TRIM44: variants seen among roughly 807,000 people sequenced by gnomAD.
The protein encoded by TRIM44 is tripartite motif containing 44.
Under a neutral mutation model 37.4 loss-of-function variants are expected in TRIM44, and 13 were observed. The observed-to-expected ratio is 0.35, with a 90% confidence interval of 0.23 to 0.55. The LOEUF is 0.55. Among genes scored for constraint, TRIM44 ranks in the 20% least tolerant of loss-of-function variants. The pLI is 0.89. For synonymous variants in TRIM44, 175 were observed against 157.2 expected (o/e 1.11, Z -0.85); for missense variants, 426 against 437.2 (o/e 0.97, Z 0.23).
In TRIM44 at chr11:35,813,332, C is replaced by T. The variant is rs1200152509; in HGVS notation, c.*6947C>T. ...AAAAATCTAGAACCTCTGCTGAACCCATCAAAAGTGACTGAGAATTAAGAA... is the reference window on the plus strand; with the variant it reads ...AAAAATCTAGAACCTCTGCTGAACCTATCAAAAGTGACTGAGAATTAAGAA... On this transcript the variant is annotated 3_prime_UTR_variant, in exon 5 of 5. Transcript: ENST00000299413. 6.6e-6 allele frequency: 1 copy of T among 152,144 alleles called. No homozygotes were observed. Among genetic ancestry groups the T allele is most frequent in the African/African-American group, 2.4e-5 (1 of 41,436 alleles). 9.4% of individuals were successfully genotyped at this position (152,144 alleles called of 1,614,324 possible). A position where few individuals can be genotyped will look rare whatever the true frequency, so the allele number is the denominator to read the frequency against.
At chr11:35,740,668 G>T (rs949802924) in intron 4 of TRIM44, among the ~76,000 whole-genome samples, 2 of 152,136 alleles carry the variant, frequency 1.3e-5, no homozygotes, top group African/African-American at 4.8e-5. Flanking sequence ...TTCTATTTTT[G>T]ATTCTGTCTG....
chr11:35,745,023 A>G (rs557482175), intron 4 of TRIM44, among the ~76,000 whole-genome samples: 33 of 152,184 alleles, frequency 2.2e-4, no homozygotes, highest in Non-Finnish European at 4.1e-4. Context: ...TATTGCTGCA[A>G]TGAATATATG....
chr11:35,807,317 G>C lies in TRIM44; in HGVS notation c.*932G>C, dbSNP rs1243641984. 1 of 152,076 alleles carries C rather than the reference G, an allele frequency of 6.6e-6. No homozygotes were observed. The highest frequency in any genetic ancestry group is 1.5e-5 in the Non-Finnish European group (1 of 68,010). The allele number at this position is 152,076 out of a possible 1,614,324, so 9.4% of individuals were successfully genotyped here. ...CCTAATTTGGCTTAAACGCAGTATG[G>C]GGAGAATTGTTCCCATTCCATGTGT... On this transcript the variant is annotated 3_prime_UTR_variant, in exon 5 of 5. Coordinates refer to ENST00000299413, the MANE Select transcript of TRIM44 (RefSeq NM_017583.6).
chr11:35,806,621 C>T lies in TRIM44; in HGVS notation c.*236C>T, dbSNP rs1024025738. ...CAAGGAAAAGAGCCCCTTTGATCCA[C>T]CAGGAGCAATTAAGAAAGGTCCTTC... On this transcript the variant is annotated 3_prime_UTR_variant, in exon 5 of 5. Coordinates refer to ENST00000299413, the MANE Select transcript of TRIM44 (RefSeq NM_017583.6). 3.9e-6 allele frequency: 2 copies of T among 513,416 alleles called. No homozygotes were observed. Among genetic ancestry groups the T allele is most frequent in the Non-Finnish European group, 6.9e-6 (2 of 288,298 alleles). 31.8% of individuals were successfully genotyped at this position (513,416 alleles called of 1,614,324 possible).
chr11:35,744,093 T>A lies in TRIM44; in HGVS notation c.1007+8648T>A, dbSNP rs566357486. On this transcript the variant is annotated intron_variant, in intron 4 of 4. Coordinates refer to ENST00000299413, the MANE Select transcript of TRIM44 (RefSeq NM_017583.6). ...CATGACAAAATAGGTTGGAGGTGTT[T>A]GTTCAATGGATAAATTATCTCAGAG... Among the ~76,000 whole-genome samples the A allele has an allele frequency of 2.6e-5, 4 of 152,368 alleles. No homozygotes were observed. The South Asian group carries it at 8.3e-4, about 32-fold the overall frequency.
rs146343301 is a variant in TRIM44 at position 35,663,663 on chromosome 11, T to C, written c.552T>C (p.Leu184=). 614 of 1,614,164 alleles carry C rather than the reference T, an allele frequency of 3.8e-4. 5 individuals are homozygous for C. In the African/African-American group the frequency reaches 7.4e-3, roughly 20 times the overall value. The change falls in exon 1 of 5, where the codon CTT becomes CTC. Residue 184 remains leucine (L), a synonymous_variant. Transcript: ENST00000299413. ...VAKRKCPDHG[L]DLSTYCQEDR... ...AGAGGAAGTGTCCGGACCATGGGCT[T>C]GATTTGAGTACCTATTGCCAGGAAG...
At chr11:35,796,360 T>G (rs1191098461) in intron 4 of TRIM44, among the ~76,000 whole-genome samples, 3 of 152,246 alleles carry the variant, frequency 2.0e-5, no homozygotes, top group Non-Finnish European at 4.4e-5. Flanking sequence ...TTATTGATCC[T>G]TTCTCTTTTT....
intron 2 of TRIM44, among the ~76,000 whole-genome samples, chr11:35,704,634 A>G (rs11033250): frequency 9.9e-5 from 15 of 152,234 alleles, no homozygotes; most frequent in African/African-American, 3.4e-4. Flanking sequence ...AGAATTTTCA[A>G]TCCAGAATTA....
intron 4 of TRIM44, among the ~76,000 whole-genome samples, chr11:35,762,131 T>C (rs1231689531): frequency 6.6e-6 from 1 of 152,226 alleles, no homozygotes; most frequent in African/African-American, 2.4e-5. Flanking sequence ...CCGTGCAGGC[T>C]GCTCTCTGGA....
chr11:35,737,601 C>T (rs1018734262), intron 4 of TRIM44, among the ~76,000 whole-genome samples: 5 of 151,978 alleles, frequency 3.3e-5, no homozygotes, highest in South Asian at 4.2e-4. Flanking sequence ...TTTGGGAGGC[C>T]GAGGCAGGTG....
At chr11:35,709,943 A>C (rs760870297) in intron 2 of TRIM44, among the ~76,000 whole-genome samples, 1 of 152,236 alleles carries the variant, frequency 6.6e-6, no homozygotes. Context: ...CCTTGTGGTC[A>C]GAACAAATTT....
rs150716385 is a variant in TRIM44 at position 35,694,807 on chromosome 11, A to G, written c.747+9471A>G. 3.0e-4 allele frequency among the ~76,000 whole-genome samples: 45 copies of G among 152,206 alleles called. 1 individual carries two copies. In the East Asian group the frequency reaches 7.4e-3, roughly 25 times the overall value. ...GTTCCAAAGTTTTGCTGCAATGTGGATGGCAAGGACAGTCTTTCTCTGATG... is the reference window on the plus strand; with the variant it reads ...GTTCCAAAGTTTTGCTGCAATGTGGGTGGCAAGGACAGTCTTTCTCTGATG... On this transcript the variant is annotated intron_variant, in intron 2 of 4. Coordinates refer to ENST00000299413, the MANE Select transcript of TRIM44 (RefSeq NM_017583.6).
chr11:35,663,089 C>A lies in TRIM44; in HGVS notation c.-23C>A. On this transcript the variant is annotated 5_prime_UTR_variant, in exon 1 of 5. Transcript: ENST00000299413. Reference sequence around the variant, plus strand: ...GCGGCGAGCCCCGGGGCCCCGAGGCCTTGGCCGCGTCACAGCACCCACATG... The same window carrying A: ...GCGGCGAGCCCCGGGGCCCCGAGGCATTGGCCGCGTCACAGCACCCACATG... The A allele has an allele frequency of 6.7e-7, 1 of 1,496,656 alleles. No homozygotes were observed. Among genetic ancestry groups the A allele is most frequent in the East Asian group, 2.3e-5 (1 of 43,584 alleles). 92.7% of individuals were successfully genotyped at this position (1,496,656 alleles called of 1,614,324 possible).
rs560631216 is a variant in TRIM44 at position 35,816,766 on chromosome 11, G to A, written c.*10381G>A. ...CTTTACTAACTCTGAACAATTAAAT[G>A]AGCAGATGGTCTACAGGGCTTAGTA... On this transcript the variant is annotated 3_prime_UTR_variant, in exon 5 of 5. Coordinates refer to ENST00000299413, the MANE Select transcript of TRIM44 (RefSeq NM_017583.6). 2.0e-5 allele frequency: 3 copies of A among 152,274 alleles called. No homozygotes were observed. The South Asian group carries it at 6.2e-4, about 32-fold the overall frequency. 9.4% of individuals were successfully genotyped at this position (152,274 alleles called of 1,614,324 possible). A position where few individuals can be genotyped will look rare whatever the true frequency, so the allele number is the denominator to read the frequency against.
At chr11:35,738,284 A>T (rs1852350111) in intron 4 of TRIM44, among the ~76,000 whole-genome samples, 1 of 152,224 alleles carries the variant, frequency 6.6e-6, no homozygotes, top group Admixed American at 6.5e-5. Flanking sequence ...GATACTGTTC[A>T]GTGTGAGATT....
rs1470540747 is a variant in TRIM44, at chr11:35,704,861, C to A, written c.747+19525C>A. On this transcript the variant is annotated intron_variant, in intron 2 of 4. Coordinates refer to ENST00000299413, the MANE Select transcript of TRIM44 (RefSeq NM_017583.6). ...GGAAGAAACTGCATCAACTAATGAG[C>A]AAAATAACCAGCTAACATCATAATG... is the stretch of plus-strand genomic sequence containing the variant. Among the ~76,000 whole-genome samples the A allele has an allele frequency of 2.0e-5, 3 of 151,986 alleles. No homozygotes were observed. The East Asian group carries it at 5.8e-4, about 29-fold the overall frequency.
chr11:35,685,179 CA>C (rs1851560098), intron 1 of TRIM44, 79 bp from the exon 2 acceptor site: 2 of 1,226,214 alleles, frequency 1.6e-6, no homozygotes, highest in Non-Finnish European at 2.4e-6. Context: ...CTTTCTATTT[CA>C]TTGTCTTCCA....
intron 4 of TRIM44, among the ~76,000 whole-genome samples, chr11:35,753,260 A>G (rs1210975741): frequency 1.3e-5 from 2 of 152,216 alleles, no homozygotes; most frequent in African/African-American, 4.8e-5. Context: ...TTAAGGTGTT[A>G]TAGACATGGA....
chr11:35,806,698 T>C lies in TRIM44; in HGVS notation c.*313T>C. On this transcript the variant is annotated 3_prime_UTR_variant, in exon 5 of 5. Coordinates refer to ENST00000299413, the MANE Select transcript of TRIM44 (RefSeq NM_017583.6). ...ACTTACTCAGGAAAGCCAGCCCCCATAATATTGTATTACCAAACAGTATCG... is the reference window on the plus strand; with the variant it reads ...ACTTACTCAGGAAAGCCAGCCCCCACAATATTGTATTACCAAACAGTATCG... 3.2e-6 allele frequency: 1 copy of C among 316,140 alleles called. No individual in the cohort carries two copies. Among genetic ancestry groups the C allele is most frequent in the Non-Finnish European group, 5.8e-6 (1 of 171,084 alleles). 19.6% of individuals were successfully genotyped at this position (316,140 alleles called of 1,614,324 possible).
Sources: allele counts gnomAD v4.1 joint callset (sites outside exome capture counted in the v4.1 genomes callset), GRCh38; gene constraint gnomAD v4.1.1; transcripts MANE v1.5; gene names NCBI Gene and HGNC (gene_info 2026-07-23, HGNC 2026-07-21).